SCRG1: variants seen among roughly 807,000 people sequenced by gnomAD.
The protein encoded by SCRG1 is stimulator of chondrogenesis 1, also known as scrapie-responsive protein 1.
Under a neutral mutation model 7.7 loss-of-function variants are expected in SCRG1, and 3 were observed. The observed-to-expected ratio is 0.39, with a 90% CI of 0.18 to 1.01. The LOEUF (loss-of-function observed/expected upper bound fraction) is 1.01. Among genes scored for constraint, SCRG1 ranks in the 50% least tolerant of loss-of-function variants. The pLI, the probability that SCRG1 is intolerant of heterozygous loss-of-function variation, is 0.36. For missense variants in SCRG1, 110 were observed against 117.2 expected, an observed-to-expected ratio of 0.94 and a Z score of 0.28; for synonymous variants, 46 against 41.2, an observed-to-expected ratio of 1.12 and a Z score of -0.44.
At chr4:173,417,549 T>A in the SCRG1 span, among the ~76,000 whole-genome samples, 1 of 152,214 alleles carries the variant, frequency 6.6e-6, no homozygotes, top group African/African-American at 2.4e-5. Context: ...TTTACAGACA[T>A]GACCTCATGA....
chr4:173,489,267 T>G, the SCRG1 span, among the ~76,000 whole-genome samples: 3 of 152,216 alleles, frequency 2.0e-5, no homozygotes, highest in Admixed American at 6.5e-5. Flanking sequence ...TCTGTTGACT[T>G]CCTGGAGAAA....
At chr4:173,488,136 T>TGA in the SCRG1 span, among the ~76,000 whole-genome samples, 3 of 107,964 alleles carry the variant, frequency 2.8e-5, no homozygotes, top group African/African-American at 1.0e-4. Context: ...TAAATAAATT[T>TGA]AAAAAATGGT....
the SCRG1 span, chr4:173,419,951 C>T: frequency 3.6e-5 from 26 of 723,910 alleles, no homozygotes; most frequent in East Asian, 7.7e-5. Flanking sequence ...CCCCTCTATA[C>T]GGGCATAAGC....
chr4:173,400,022 T>C (rs1368450410), upstream of SCRG1, among the ~76,000 whole-genome samples: 1 of 152,136 alleles, frequency 6.6e-6, no homozygotes, highest in Non-Finnish European at 1.5e-5. Flanking sequence ...AAGCAGCAAA[T>C]TGATGAATTA....
At chr4:173,419,423 A>G in the SCRG1 span, 22 of 1,160,146 alleles carry the variant, frequency 1.9e-5, no homozygotes, top group African/African-American at 2.0e-4. Context: ...TTTCTTATAC[A>G]TCTCCTCCAT....
At chr4:173,458,804 C>T in the SCRG1 span, among the ~76,000 whole-genome samples, 1 of 151,988 alleles carries the variant, frequency 6.6e-6, no homozygotes, top group Non-Finnish European at 1.5e-5. Flanking sequence ...TTAAAAGATA[C>T]AGACTGGCTG....
At chr4:173,423,991 A>T in the SCRG1 span, among the ~76,000 whole-genome samples, 1 of 152,128 alleles carries the variant, frequency 6.6e-6, no homozygotes, top group South Asian at 2.1e-4. Flanking sequence ...ATTATAACTA[A>T]CCCACTCCCC....
the SCRG1 span, among the ~76,000 whole-genome samples, chr4:173,474,511 G>A: frequency 5.9e-5 from 9 of 152,168 alleles, no homozygotes; most frequent in Non-Finnish European, 1.3e-4. Flanking sequence ...TACACTTTCA[G>A]AAATTTGATT....
At chr4:173,496,834 C>T in the SCRG1 span, among the ~76,000 whole-genome samples, 19 of 152,232 alleles carry the variant, frequency 1.2e-4, no homozygotes, top group South Asian at 1.2e-3. Context: ...CAGCCAGGTG[C>T]GGTGGCTCAC....
At chr4:173,450,880 C>T in the SCRG1 span, among the ~76,000 whole-genome samples, 2 of 152,092 alleles carry the variant, frequency 1.3e-5, no homozygotes, top group South Asian at 4.1e-4. Flanking sequence ...AGGGGAAAGG[C>T]CTGACCCAGG....
chr4:173,458,341 T>C, the SCRG1 span, among the ~76,000 whole-genome samples: 2 of 152,322 alleles, frequency 1.3e-5, no homozygotes, highest in South Asian at 2.1e-4. Flanking sequence ...AAGTTACATA[T>C]GTAATTTTGA....
chr4:173,488,559 T>C, the SCRG1 span, among the ~76,000 whole-genome samples: 2 of 152,132 alleles, frequency 1.3e-5, no homozygotes, highest in East Asian at 3.8e-4. Flanking sequence ...CTGGGGACAG[T>C]CAAAGTTCAG....
At chr4:173,409,722 G>A (rs1454351815), upstream of SCRG1, among the ~76,000 whole-genome samples, 2 of 151,230 alleles carry the variant, frequency 1.3e-5, no homozygotes, top group Non-Finnish European at 2.9e-5. Flanking sequence ...CTAAGTACCT[G>A]CGATTACAGT....
chr4:173,436,895 A>G, the SCRG1 span, among the ~76,000 whole-genome samples: 1 of 152,108 alleles, frequency 6.6e-6, no homozygotes, highest in Non-Finnish European at 1.5e-5. Context: ...AGGTGTGTTG[A>G]TTTTAATTGC....
At chr4:173,483,257 A>G in the SCRG1 span, among the ~76,000 whole-genome samples, 2 of 34,826 alleles carry the variant, frequency 5.7e-5, no homozygotes, top group South Asian at 1.4e-3. Context: ...ATCATATATG[A>G]TATATCATAT....
intron 2 of SCRG1, among the ~76,000 whole-genome samples, chr4:173,390,800 T>C (rs969120326): frequency 9.2e-5 from 14 of 152,302 alleles, no homozygotes; most frequent in African/African-American, 3.1e-4. Flanking sequence ...CACTGGGATC[T>C]TTTATCTAAA....
the SCRG1 span, among the ~76,000 whole-genome samples, chr4:173,480,937 C>T: frequency 6.6e-6 from 1 of 151,902 alleles, no homozygotes; most frequent in African/African-American, 2.4e-5. Context: ...CATGTTTGAA[C>T]ATTTTTATGA....
At chr4:173,480,143 A>G in the SCRG1 span, among the ~76,000 whole-genome samples, 1 of 152,154 alleles carries the variant, frequency 6.6e-6, no homozygotes, top group Non-Finnish European at 1.5e-5. Context: ...GGCTGCTGCC[A>G]TGCAGTATGA....
chr4:173,457,925 A>G, the SCRG1 span, among the ~76,000 whole-genome samples: 2 of 152,070 alleles, frequency 1.3e-5, no homozygotes, highest in African/African-American at 4.8e-5. Context: ...GTTCCCTGAG[A>G]GCTTTCTATT....
Sources: allele counts gnomAD v4.1 joint callset (sites outside exome capture counted in the v4.1 genomes callset), GRCh38; gene constraint gnomAD v4.1.1; transcripts MANE v1.5; gene names NCBI Gene and HGNC (gene_info 2026-07-23, HGNC 2026-07-21).